GFRA2: variants seen among roughly 807,000 people sequenced by gnomAD.
The protein encoded by GFRA2 is GDNF family receptor alpha 2, also known as GDNF family receptor alpha-2.
Under a neutral mutation model 48.3 loss-of-function variants are expected in GFRA2, and 17 were observed. The ratio of observed to expected loss-of-function variants is 0.35; its 90% CI spans 0.24 to 0.53. GFRA2 has a LOEUF of 0.53. Ranked by LOEUF, GFRA2 falls within the 20% of genes least tolerant of loss-of-function variation. The pLI is 0.93. For synonymous variants in GFRA2, 305 were observed against 257.2 expected (o/e 1.19, Z -1.78); for missense variants, 660 against 637.3 (o/e 1.04, Z -0.38).
intron 2 of GFRA2, chr8:21,780,997 A>T (rs1167349191): frequency 6.6e-6 from 1 of 151,868 alleles, no homozygotes; most frequent in East Asian, 1.9e-4. Context: ...GTGGTAGCTC[A>T]CTCCTGTAAT....
intron 3 of GFRA2, among the ~76,000 whole-genome samples, chr8:21,771,175 C>G (rs1806420410): frequency 6.6e-6 from 1 of 152,150 alleles, no homozygotes; most frequent in Non-Finnish European, 1.5e-5. Context: ...GGCACCACAG[C>G]TCAAAAAGGC....
intron 4 of GFRA2, among the ~76,000 whole-genome samples, chr8:21,721,881 C>T (rs1803615541): frequency 6.6e-6 from 1 of 152,174 alleles, no homozygotes; most frequent in Non-Finnish European, 1.5e-5. Context: ...CTCGGAGTCA[C>T]AGGCTTCAGG....
chr8:21,766,930 A>G (rs1490471985), intron 3 of GFRA2, among the ~76,000 whole-genome samples: 1 of 125,646 alleles, frequency 8.0e-6, no homozygotes, highest in Non-Finnish European at 1.7e-5. Flanking sequence ...TACACACACA[A>G]ACACCTACAC....
In GFRA2 at chr8:21,691,506, G is replaced by C. The variant is rs6586997; in HGVS notation, c.*1772C>G. ...ATGACCCCAGAACATGCACAGTCAT[G>C]TCCTTCTTCTCTGGTGGGACCCAAA... is the stretch of plus-strand genomic sequence containing the variant. On this transcript the variant is annotated 3_prime_UTR_variant, in exon 9 of 9. Transcript: ENST00000524240. 86,359 of 152,166 alleles carry C rather than the reference G, an allele frequency of 0.57. 27,792 individuals are homozygous for C. The highest frequency in any genetic ancestry group is 0.89 in the African/African-American group (36,944 of 41,508). The allele number at this position is 152,166 out of a possible 1,614,324, so 9.4% of individuals were successfully genotyped here.
chr8:21,783,730 A>C (rs993736911), intron 1 of GFRA2, among the ~76,000 whole-genome samples: 1 of 151,662 alleles, frequency 6.6e-6, no homozygotes, highest in South Asian at 2.1e-4. Flanking sequence ...CCTCCAATAG[A>C]AAATGCTTTT....
chr8:21,744,280 A>T (rs1426569099), intron 4 of GFRA2, among the ~76,000 whole-genome samples: 3 of 152,170 alleles, frequency 2.0e-5, no homozygotes, highest in Non-Finnish European at 4.4e-5. Flanking sequence ...CTTCCCAACA[A>T]GCCTCTCTGA....
chr8:21,797,183 A>C, intron 2 of GFRA2, among the ~76,000 whole-genome samples: 1 of 152,070 alleles, frequency 6.6e-6, no homozygotes. Flanking sequence ...TTTCTTAAAA[A>C]TATCTCCAGT....
At chr8:21,783,916 G>A (rs2117077288) in intron 1 of GFRA2, among the ~76,000 whole-genome samples, 1 of 151,536 alleles carries the variant, frequency 6.6e-6, no homozygotes, top group Non-Finnish European at 1.5e-5. Context: ...TTCTCTCTCA[G>A]CTCCTCTCTT....
chr8:21,783,191 A>G (rs1199915303), intron 1 of GFRA2: 2 of 574,848 alleles, frequency 3.5e-6, no homozygotes, highest in African/African-American at 3.7e-5. Context: ...TCAAGACCTC[A>G]GTCTAAGACG....
intron 3 of GFRA2, among the ~76,000 whole-genome samples, chr8:21,768,152 C>CACCT (rs1321555760): frequency 1.3e-5 from 2 of 152,224 alleles, no homozygotes. Flanking sequence ...TTGCACCCCA[C>CACCT]ACCTGCTCCT....
chr8:21,745,322 C>A (rs560512112), intron 4 of GFRA2, among the ~76,000 whole-genome samples: 1 of 152,286 alleles, frequency 6.6e-6, no homozygotes, highest in South Asian at 2.1e-4. Context: ...GAGGAGGGAC[C>A]ACAGGGGCCA....
chr8:21,753,543 C>T (rs879274590), intron 3 of GFRA2, among the ~76,000 whole-genome samples: 1 of 151,646 alleles, frequency 6.6e-6, no homozygotes, highest in Non-Finnish European at 1.5e-5. Flanking sequence ...CACTTGAACC[C>T]GGGAGGCAGA....
At chr8:21,741,115 A>G (rs1266310160) in intron 4 of GFRA2, among the ~76,000 whole-genome samples, 1 of 152,140 alleles carries the variant, frequency 6.6e-6, no homozygotes, top group Non-Finnish European at 1.5e-5. Context: ...TTCACAATGC[A>G]CTGCTTGGCT....
At chr8:21,780,078 CT>C (rs1806904383) in intron 2 of GFRA2, among the ~76,000 whole-genome samples, 1 of 149,638 alleles carries the variant, frequency 6.7e-6, no homozygotes, top group South Asian at 2.1e-4. Flanking sequence ...TTTAAGCATC[CT>C]TTGTTCTCTC....
rs1395878847 is a variant in GFRA2 at position 21,786,912 on chromosome 8, G to T, written c.40+1208C>A. Among the ~76,000 whole-genome samples, 32 of 152,274 alleles carry T rather than the reference G, an allele frequency of 2.1e-4. 2 individuals carry two copies. Among genetic ancestry groups the T allele is most frequent in the Admixed American group, 2.0e-3 (30 of 15,308 alleles). On this transcript the variant is annotated intron_variant, in intron 1 of 8. Transcript: ENST00000524240. ...AGATCATGACCCCGCTGGGCAGCCT[G>T]GCTCAACACTGGCTACACAGCAAGC...
Position 21,692,808 on chromosome 8 carries a change from CCAGCCCCG to C in GFRA2, c.*462_*469del, listed in dbSNP as rs2117301917. 6.5e-6 allele frequency: 1 copy of C among 152,990 alleles called. No homozygotes were observed. Among genetic ancestry groups the C allele is most frequent in the South Asian group, 2.1e-4 (1 of 4,864 alleles). The allele number at this position is 152,990 out of a possible 1,614,324, so 9.5% of individuals were successfully genotyped here. On this transcript the variant is annotated 3_prime_UTR_variant, in exon 9 of 9. Coordinates refer to ENST00000524240, the MANE Select transcript of GFRA2 (RefSeq NM_001495.5). ...AAGGGCTGAAGGTGGACCCTCATGG[CCAGCCCCG>C]CTGCCCCGCTGACCGATGCCCTCTG...
intron 2 of GFRA2, among the ~76,000 whole-genome samples, chr8:21,793,973 C>A (rs1034129049): frequency 6.6e-6 from 1 of 151,376 alleles, no homozygotes; most frequent in Admixed American, 6.6e-5. Context: ...AAGTCATCCT[C>A]GCCCCTCAGC....
At chr8:21,773,693 G>GA (rs1401145572) in intron 3 of GFRA2, among the ~76,000 whole-genome samples, 10 of 151,400 alleles carry the variant, frequency 6.6e-5, no homozygotes, top group Admixed American at 3.9e-4. Context: ...AACAATAATG[G>GA]AAAAAAAAAG....
intron 3 of GFRA2, among the ~76,000 whole-genome samples, chr8:21,754,495 C>CT (rs1192937060): frequency 7.2e-5 from 9 of 125,066 alleles, no homozygotes; most frequent in South Asian, 2.7e-4. Flanking sequence ...CAACAATGGT[C>CT]TTTTTTTTTC....
Sources: allele counts gnomAD v4.1 joint callset (sites outside exome capture counted in the v4.1 genomes callset), GRCh38; gene constraint gnomAD v4.1.1; transcripts MANE v1.5; gene names NCBI Gene and HGNC (gene_info 2026-07-23, HGNC 2026-07-21).